Variants in IL23R observed in about 807,000 individuals in gnomAD.
IL23R encodes the protein interleukin-23 receptor.
In IL23R, 34 loss-of-function variants were observed where a neutral mutation model predicts 56.9. That is an observed-to-expected ratio of 0.60 (90% CI 0.45 to 0.80). The LOEUF is 0.80. Among genes scored for constraint, IL23R ranks in the 30% least tolerant of loss-of-function variants. The pLI is 0.00. For synonymous variants in IL23R, 230 were observed against 249.2 expected (o/e 0.92, Z 0.73); for missense variants, 635 against 730.0 (o/e 0.87, Z 1.50).
intron 4 of IL23R, among the ~76,000 whole-genome samples, chr1:67,194,661 A>T (rs1209653504): frequency 2.0e-5 from 3 of 152,154 alleles, no homozygotes; most frequent in Non-Finnish European, 4.4e-5. Context: ...TTCCATTTTG[A>T]CTTGTGGTCT....
At position 67,259,495 on chromosome 1, in the gene IL23R, A is replaced by G; in HGVS notation, c.*367A>G. 3.3e-6 allele frequency: 1 copy of G among 301,492 alleles called. No homozygotes were observed. The highest frequency in any genetic ancestry group is 6.3e-6 in the Non-Finnish European group (1 of 158,782). The allele number at this position is 301,492 out of a possible 1,614,324, so 18.7% of individuals were successfully genotyped here. On this transcript the variant is annotated 3_prime_UTR_variant, in exon 11 of 11. Coordinates refer to ENST00000347310, the MANE Select transcript of IL23R (RefSeq NM_144701.3). ...GGTGGAACATGCTTCATGGTCACAC[A>G]TACAGGCACAAAAACAGCATTATGT...
intron 7 of IL23R, among the ~76,000 whole-genome samples, chr1:67,221,270 G>A (rs1158627768): frequency 7.3e-5 from 11 of 151,420 alleles, no homozygotes; most frequent in African/African-American, 9.7e-5. Flanking sequence ...GGAGTGAGCC[G>A]AGATCGCGCC....
chr1:67,251,808 A>G (rs1461648365), intron 9 of IL23R, among the ~76,000 whole-genome samples: 1 of 152,202 alleles, frequency 6.6e-6, no homozygotes, highest in Non-Finnish European at 1.5e-5. Context: ...AGTACTGGGT[A>G]GTCTCCATTG....
intron 9 of IL23R, among the ~76,000 whole-genome samples, chr1:67,243,737 C>T (rs919422123): frequency 4.6e-5 from 7 of 152,126 alleles, no homozygotes; most frequent in African/African-American, 1.7e-4. Flanking sequence ...GGTTCCAAAT[C>T]TTTGCTATTG....
intron 1 of IL23R, among the ~76,000 whole-genome samples, chr1:67,147,363 A>G (rs1414770511): frequency 6.6e-6 from 1 of 152,220 alleles, no homozygotes; most frequent in Non-Finnish European, 1.5e-5. Context: ...CAATTAAAAA[A>G]ACTTTGGACT....
intron 6 of IL23R, among the ~76,000 whole-genome samples, chr1:67,212,265 AGCTTTGTTTACATTT>A (rs1379454312): frequency 1.3e-5 from 2 of 152,238 alleles, no homozygotes; most frequent in Non-Finnish European, 2.9e-5. Context: ...GCCAGAATGA[AGCTTTGTTTACATTT>A]GCTACTGTCA....
At chr1:67,185,667 A>G (rs566299493) in intron 4 of IL23R, among the ~76,000 whole-genome samples, 3 of 152,168 alleles carry the variant, frequency 2.0e-5, no homozygotes, top group Non-Finnish European at 2.9e-5. Context: ...GAAACACCTC[A>G]TCAGTCAAGA....
downstream of IL23R, among the ~76,000 whole-genome samples, chr1:67,261,066 A>G (rs1233006869): frequency 1.3e-5 from 2 of 149,520 alleles, no homozygotes; most frequent in South Asian, 2.3e-4. Flanking sequence ...GCAAATGAGC[A>G]GGCTATTTTG....
chr1:67,263,592 T>G (rs1484176071), downstream of IL23R, among the ~76,000 whole-genome samples: 1 of 152,124 alleles, frequency 6.6e-6, no homozygotes, highest in Non-Finnish European at 1.5e-5. Flanking sequence ...AAAATTAATT[T>G]TAGCAATTGA....
At chr1:67,263,963 T>G (rs1430709799), downstream of IL23R, among the ~76,000 whole-genome samples, 1 of 152,080 alleles carries the variant, frequency 6.6e-6, no homozygotes, top group Non-Finnish European at 1.5e-5. Context: ...ACCTGTGCCC[T>G]CTGCTTCTCC....
At chr1:67,254,384 A>G (rs371025883) in intron 9 of IL23R, among the ~76,000 whole-genome samples, 2 of 147,556 alleles carry the variant, frequency 1.4e-5, no homozygotes, top group East Asian at 2.0e-4. Flanking sequence ...CATTTTAAAT[A>G]TAATAAAACC....
rs553477927 is a variant in IL23R, at chr1:67,241,402, GAAC to G, written c.1148+1125_1148+1127del. Among the ~76,000 whole-genome samples, 12 of 152,284 alleles carry G rather than the reference GAAC, an allele frequency of 7.9e-5. No homozygotes were observed. The South Asian group carries it at 2.5e-3, about 32-fold the overall frequency. ...AGTTTGACTTTGTCACATTTAGCATGAACAACTCCATTTTGGTTTGGTTTGGTC... is the reference window on the plus strand; with the variant it reads ...AGTTTGACTTTGTCACATTTAGCATGAACTCCATTTTGGTTTGGTTTGGTC... On this transcript the variant is annotated intron_variant, in intron 9 of 10. Coordinates refer to ENST00000347310, the MANE Select transcript of IL23R (RefSeq NM_144701.3).
Position 67,220,039 on chromosome 1 carries a change from C to G in IL23R, c.955+309C>G, listed in dbSNP as rs531292506. On this transcript the variant is annotated intron_variant, in intron 7 of 10. Coordinates refer to ENST00000347310, the MANE Select transcript of IL23R (RefSeq NM_144701.3). ...TGAGCTATGATCATCCCACTGCTCTCTAGCCTGGAGGAAAGACCAAGACCC... is the reference window on the plus strand; with the variant it reads ...TGAGCTATGATCATCCCACTGCTCTGTAGCCTGGAGGAAAGACCAAGACCC... Among the ~76,000 whole-genome samples the G allele has an allele frequency of 2.6e-5, 4 of 152,170 alleles. No individual in the cohort carries two copies. In the East Asian group the frequency reaches 7.7e-4, roughly 29 times the overall value.
At chr1:67,212,694 C>A (rs1166803680) in intron 6 of IL23R, among the ~76,000 whole-genome samples, 2 of 151,868 alleles carry the variant, frequency 1.3e-5, no homozygotes, top group Non-Finnish European at 2.9e-5. Flanking sequence ...CAGGAGAGTG[C>A]CACCATGCCC....
At chr1:67,261,945 G>A (rs923053551), downstream of IL23R, among the ~76,000 whole-genome samples, 1 of 152,156 alleles carries the variant, frequency 6.6e-6, no homozygotes, top group Admixed American at 6.5e-5. Context: ...TCAGCACAAA[G>A]GAGACACTTC....
intron 7 of IL23R, among the ~76,000 whole-genome samples, chr1:67,229,853 C>G (rs1050232402): frequency 1.3e-5 from 2 of 152,220 alleles, no homozygotes; most frequent in African/African-American, 4.8e-5. Context: ...CTCCCTACCT[C>G]CCCAACCACT....
chr1:67,253,342 T>C (rs1652754543), intron 9 of IL23R, among the ~76,000 whole-genome samples: 1 of 152,208 alleles, frequency 6.6e-6, no homozygotes, highest in Non-Finnish European at 1.5e-5. Flanking sequence ...ATTTTACTGA[T>C]GCATTGAGTA....
chr1:67,184,568 T>TAAATA (rs10555527), intron 4 of IL23R, among the ~76,000 whole-genome samples: 1,881 of 142,976 alleles, frequency 0.013, 21 homozygotes, highest in Middle Eastern at 0.022. Context: ...TAAAATAAAA[T>TAAATA]AAATAAAATA....
chr1:67,205,214 C>T (rs903129089), intron 5 of IL23R, among the ~76,000 whole-genome samples: 5 of 152,162 alleles, frequency 3.3e-5, no homozygotes, highest in Admixed American at 2.6e-4. Context: ...CCAGGTGTAG[C>T]CCCCAAAATT....
Sources: allele counts gnomAD v4.1 joint callset (sites outside exome capture counted in the v4.1 genomes callset), GRCh38; gene constraint gnomAD v4.1.1; transcripts MANE v1.5; gene names NCBI Gene and HGNC (gene_info 2026-07-23, HGNC 2026-07-21).